Variants in SLC14A2 observed in about 807,000 individuals in gnomAD.
SLC14A2 encodes the protein solute carrier family 14 member 2.
Under a neutral mutation model 104.6 loss-of-function variants are expected in SLC14A2, and 91 were observed. The ratio of observed to expected loss-of-function variants is 0.87; its 90% CI spans 0.73 to 1.04. The LOEUF is 1.04. Ranked by LOEUF, SLC14A2 falls within the 50% of genes least tolerant of loss-of-function variation. SLC14A2 has a pLI of 0.00. For synonymous variants in SLC14A2, 476 were observed against 466.4 expected (o/e 1.02, Z -0.27); for missense variants, 1,189 against 1,156.0 (o/e 1.03, Z -0.41).
Position 45,214,667 on chromosome 18 carries a change from T to C in SLC14A2, c.-125+1476T>C, listed in dbSNP as rs573891488. On this transcript the variant is annotated intron_variant, in intron 1 of 20. Transcript: ENST00000586448. Reference sequence around the variant, plus strand: ...TATTACTTTGTCTTTCACTTGGTACTCAGACAGCTCTCTCATATTGATTTC... The same window carrying C: ...TATTACTTTGTCTTTCACTTGGTACCCAGACAGCTCTCTCATATTGATTTC... Among the ~76,000 whole-genome samples the C allele has an allele frequency of 1.3e-3, 202 of 152,264 alleles. 1 individual carries two copies. Among genetic ancestry groups the C allele is most frequent in the Middle Eastern group, 3.4e-3 (1 of 294 alleles).
At chr18:45,523,493 C>CTTTT (rs571753663) in intron 2 of SLC14A2, among the ~76,000 whole-genome samples, 6 of 119,100 alleles carry the variant, frequency 5.0e-5, no homozygotes, top group African/African-American at 1.3e-4. Flanking sequence ...CCACACCCAG[C>CTTTT]TTTTTTTTTT....
chr18:45,257,822 C>T (rs2084495376), intron 1 of SLC14A2, among the ~76,000 whole-genome samples: 1 of 152,100 alleles, frequency 6.6e-6, no homozygotes, highest in Admixed American at 6.6e-5. Context: ...AGGATTTCTC[C>T]CAAGTTTCAA....
At chr18:45,235,809 GTGTGTA>G (rs201789588) in intron 1 of SLC14A2, among the ~76,000 whole-genome samples, 1,590 of 107,182 alleles carry the variant, frequency 0.015, 42 homozygotes, top group African/African-American at 0.031. Context: ...GTGTGTGTGT[GTGTGTA>G]TATATATATA....
At chr18:45,446,138 A>C (rs1243256668) in intron 1 of SLC14A2, among the ~76,000 whole-genome samples, 1 of 152,192 alleles carries the variant, frequency 6.6e-6, no homozygotes, top group South Asian at 2.1e-4. Context: ...CCCCTGGCAC[A>C]CAGGGTTCAC....
intron 18 of SLC14A2, among the ~76,000 whole-genome samples, chr18:45,676,207 T>G (rs1241995736): frequency 1.3e-5 from 2 of 152,158 alleles, no homozygotes; most frequent in Non-Finnish European, 2.9e-5. Context: ...AAATGAGAAG[T>G]CAAGGAGTCC....
At chr18:45,436,947 C>A (rs2086605461) in intron 1 of SLC14A2, among the ~76,000 whole-genome samples, 1 of 152,152 alleles carries the variant, frequency 6.6e-6, no homozygotes, top group Non-Finnish European at 1.5e-5. Flanking sequence ...CACATTTGAA[C>A]TTTGTCTCCC....
intron 1 of SLC14A2, among the ~76,000 whole-genome samples, chr18:45,321,396 C>T (rs373829679): frequency 5.9e-5 from 9 of 152,186 alleles, no homozygotes; most frequent in Non-Finnish European, 1.3e-4. Flanking sequence ...CAGAACTATA[C>T]TTGTGACGTC....
At chr18:45,611,900 T>C (rs1279711425), upstream of SLC14A2, among the ~76,000 whole-genome samples, 1 of 152,174 alleles carries the variant, frequency 6.6e-6, no homozygotes, top group Non-Finnish European at 1.5e-5. Flanking sequence ...TTGTAACATA[T>C]AAAATACCAT....
intron 2 of SLC14A2, among the ~76,000 whole-genome samples, chr18:45,587,126 C>T (rs917985202): frequency 1.3e-5 from 2 of 152,120 alleles, no homozygotes; most frequent in African/African-American, 4.8e-5. Flanking sequence ...AGGCACATAC[C>T]ACCACACCCG....
At chr18:45,371,719 T>C (rs1333785948) in intron 1 of SLC14A2, among the ~76,000 whole-genome samples, 1 of 152,236 alleles carries the variant, frequency 6.6e-6, no homozygotes, top group East Asian at 1.9e-4. Flanking sequence ...ATGCCCATTG[T>C]GCAAATCTAG....
At chr18:45,429,578 G>A (rs1199313626) in intron 1 of SLC14A2, among the ~76,000 whole-genome samples, 1 of 152,074 alleles carries the variant, frequency 6.6e-6, no homozygotes, top group Admixed American at 6.5e-5. Flanking sequence ...TAGCTCCTAG[G>A]ACCCCCATTT....
At chr18:45,628,665 A>G (rs2045299832) in intron 4 of SLC14A2, among the ~76,000 whole-genome samples, 1 of 152,144 alleles carries the variant, frequency 6.6e-6, no homozygotes, top group African/African-American at 2.4e-5. Flanking sequence ...TCATGAATTA[A>G]TTGTCAGCAG....
intron 2 of SLC14A2, among the ~76,000 whole-genome samples, chr18:45,494,995 A>C (rs1266345664): frequency 6.6e-6 from 1 of 152,066 alleles, no homozygotes; most frequent in Non-Finnish European, 1.5e-5. Flanking sequence ...CAAAACTCAT[A>C]AAATAGAAAG....
intron 2 of SLC14A2, among the ~76,000 whole-genome samples, chr18:45,505,955 A>G (rs2612585): frequency 0.8 from 121,275 of 151,976 alleles, 49,374 homozygotes; most frequent in Non-Finnish European, 0.89. Flanking sequence ...GGTGGGGAGG[A>G]AGGGCCAAGC....
At chr18:45,571,310 T>C (rs2044341782) in intron 2 of SLC14A2, among the ~76,000 whole-genome samples, 2 of 152,390 alleles carry the variant, frequency 1.3e-5, no homozygotes, top group South Asian at 4.1e-4. Flanking sequence ...AATGGAGCCA[T>C]GAGGGACTGT....
At chr18:45,348,750 G>T (rs1294781924) in intron 1 of SLC14A2, among the ~76,000 whole-genome samples, 1 of 152,168 alleles carries the variant, frequency 6.6e-6, no homozygotes, top group Non-Finnish European at 1.5e-5. Context: ...GAGCCCCAGA[G>T]AACTGGAGTG....
At chr18:45,373,843 G>A (rs942215722) in intron 1 of SLC14A2, among the ~76,000 whole-genome samples, 5 of 152,168 alleles carry the variant, frequency 3.3e-5, no homozygotes, top group Admixed American at 3.3e-4. Context: ...GCCAACCCAA[G>A]TGAAGGACTT....
At chr18:45,191,495 A>G in the SLC14A2 span, among the ~76,000 whole-genome samples, 2 of 152,200 alleles carry the variant, frequency 1.3e-5, no homozygotes, top group Non-Finnish European at 2.9e-5. Flanking sequence ...ACCTTCAATT[A>G]TGGAACAATT....
chr18:45,200,269 C>T, the SLC14A2 span, among the ~76,000 whole-genome samples: 1 of 152,112 alleles, frequency 6.6e-6, no homozygotes, highest in Non-Finnish European at 1.5e-5. Context: ...AAGCCACAAC[C>T]TAATTGTGGT....
Sources: gnomAD v4.1 joint callset for allele counts (sites outside exome capture counted in the v4.1 genomes callset) on GRCh38, gnomAD v4.1.1 for gene constraint, MANE v1.5 for transcripts, NCBI Gene and HGNC (gene_info 2026-07-23, HGNC 2026-07-21) for gene names.